TBC1D10C: variants seen among roughly 807,000 people sequenced by gnomAD.
TBC1D10C encodes the protein TBC1 domain family member 10C.
TBC1D10C carries 49 observed loss-of-function variants against 51.0 expected under a neutral mutation model. That is an observed-to-expected ratio of 0.96 (90% CI 0.76 to 1.22). TBC1D10C has a LOEUF of 1.22. Ranked by LOEUF, TBC1D10C falls within the 50% of genes most tolerant of loss-of-function variation. TBC1D10C has a pLI of 0.00. For synonymous variants in TBC1D10C, 281 were observed against 266.7 expected, an observed-to-expected ratio of 1.05 and a Z score of -0.52; for missense variants, 541 against 617.5, an observed-to-expected ratio of 0.88 and a Z score of 1.31.
intron 7 of TBC1D10C, chr11:67,407,768 A>C (rs1046096336): frequency 1.3e-5 from 2 of 152,332 alleles, no homozygotes; most frequent in African/African-American, 4.8e-5. Flanking sequence ...TCGGTAACCC[A>C]CCTGCATTCT....
Position 67,409,494 on chromosome 11 carries a change from C to G in TBC1D10C, c.1081C>G (p.Pro361Ala). ...GCTGCCCGATTCCGCGCCGGGACCCCCGCCCCGGCCACAGGTCCGCCTCGC... is the reference window on the plus strand; with the variant it reads ...GCTGCCCGATTCCGCGCCGGGACCCGCGCCCCGGCCACAGGTCCGCCTCGC... ...AQLPDSAPGP[P>A]PRPQVRLAGA... Residue 361 changes from proline (P) to alanine (A), a missense_variant, in exon 9 of 9, where the codon CCG becomes GCG. Coordinates refer to ENST00000542590, the MANE Select transcript of TBC1D10C (RefSeq NM_001369496.1). 1 of 1,548,444 alleles carries G rather than the reference C, an allele frequency of 6.5e-7. No individual in the cohort carries two copies. The highest frequency in any genetic ancestry group is 8.7e-7 in the Non-Finnish European group (1 of 1,146,296).
In TBC1D10C at chr11:67,409,685, G is replaced by C. The variant is rs1383120898; in HGVS notation, c.1272G>C (p.Arg424=). 3 of 1,597,790 alleles carry C rather than the reference G, an allele frequency of 1.9e-6. No individual in the cohort carries two copies. The highest frequency in any genetic ancestry group is 4.5e-5 in the East Asian group (2 of 44,820). The change falls in exon 9 of 9, where the codon CGG becomes CGC. Residue 424 remains arginine, a synonymous_variant. Coordinates refer to ENST00000542590, the MANE Select transcript of TBC1D10C (RefSeq NM_001369496.1). ...KTFHGLLTRA[R]GPPIEGPPRP... is the part of the protein sequence containing the mutation. ...TCCATGGGCTCCTGACTCGGGCCCGGGGCCCCCCCATCGAGGGGCCCCCCA... is the reference window on the plus strand; with the variant it reads ...TCCATGGGCTCCTGACTCGGGCCCGCGGCCCCCCCATCGAGGGGCCCCCCA...
intron 7 of TBC1D10C, chr11:67,407,265 C>T (rs1279813937): frequency 4.0e-6 from 2 of 502,148 alleles, no homozygotes; most frequent in Non-Finnish European, 7.0e-6. Context: ...CACATGGAGG[C>T]CTGAGCTTCT....
Position 67,405,195 on chromosome 11 carries a change from C to A in TBC1D10C, c.252+11C>A. ...CGGCGGTACAAGAAGGTGAGGGGGG[C>A]AGGGGCCCCACTTGGCTTCCATGGC... On this transcript the variant is annotated intron_variant, in intron 2 of 8. Transcript: ENST00000542590. 1 of 1,550,526 alleles carries A rather than the reference C, an allele frequency of 6.4e-7. No homozygotes were observed. The highest frequency in any genetic ancestry group is 8.7e-7 in the Non-Finnish European group (1 of 1,146,502).
At chr11:67,408,812 C>G in intron 7 of TBC1D10C, 167 bp from the exon 8 acceptor site, 1 of 854,658 alleles carries the variant, frequency 1.2e-6, no homozygotes, top group African/African-American at 1.8e-5. Flanking sequence ...TTGGCCAGTA[C>G]AGCGGCCTGT....
intron 2 of TBC1D10C, 87 bp downstream of exon 2, chr11:67,405,271 G>C (rs1863102233): frequency 6.7e-7 from 1 of 1,501,418 alleles, no homozygotes; most frequent in Non-Finnish European, 9.0e-7. Flanking sequence ...CCCACCCTGT[G>C]TCCCAGCACC....
intron 1 of TBC1D10C, 97 bp from the exon 2 acceptor site, chr11:67,404,988 C>A: frequency 3.5e-6 from 4 of 1,130,582 alleles, no homozygotes; most frequent in South Asian, 1.5e-5. Context: ...ATCCCTAGGG[C>A]CAGGAGCTGG....
intron 6 of TBC1D10C, 67 bp from the exon 7 acceptor site, chr11:67,406,760 G>A: frequency 2.5e-6 from 4 of 1,605,576 alleles, no homozygotes; most frequent in South Asian, 2.2e-5. Flanking sequence ...GGGGTCTGGG[G>A]ACTGAGGGAG....
rs760412495 is a variant in TBC1D10C, at chr11:67,404,226, C to T, written c.24C>T (p.Asp8=). The T allele has an allele frequency of 6.3e-7, 1 of 1,575,566 alleles. No homozygotes were observed. Among genetic ancestry groups the T allele is most frequent in the Admixed American group, 1.8e-5 (1 of 56,410 alleles). MAQALGE[D]LVQPPELQDD... ...CCATGGCCCAGGCCCTGGGGGAGGA[C>T]CTGGTGCAGCCTCCCGAGCTGCAGG... The change falls in exon 1 of 9, where the codon GAC becomes GAT. Residue 8 remains aspartate (D), a synonymous_variant. Transcript: ENST00000542590.
Position 67,405,697 on chromosome 11 carries a change from C to T in TBC1D10C, c.463C>T (p.His155Tyr). 6.2e-7 allele frequency: 1 copy of T among 1,613,636 alleles called. No individual in the cohort carries two copies. The highest frequency in any genetic ancestry group is 1.3e-5 in the African/African-American group (1 of 75,054). ...LHEMFVSPQGHGQQGLLQVLK... is the reference protein window; with the variant it reads ...LHEMFVSPQGYGQQGLLQVLK... ...CGAGATGTTTGTGTCGCCTCAGGGC[C>T]ACGGGTACGAGGCCGGTGATGCCCA... Residue 155 changes from histidine to tyrosine, a missense_variant, in exon 4 of 9, where the codon CAC becomes TAC. Physicochemically the swap from His to Tyr is moderately conservative, Grantham distance 83. Transcript: ENST00000542590.
At position 67,405,686 on chromosome 11, in the gene TBC1D10C, C is replaced by T. The variant is rs772510609; in HGVS notation, c.452C>T (p.Ser151Leu). 6.8e-6 allele frequency: 11 copies of T among 1,613,578 alleles called. No individual in the cohort carries two copies. Among genetic ancestry groups the T allele is most frequent in the South Asian group, 4.4e-5 (4 of 91,090 alleles). ...TTCCCTCTGCACGAGATGTTTGTGT[C>T]GCCTCAGGGCCACGGGTACGAGGCC... ...RQFPLHEMFVSPQGHGQQGLL... is the reference protein window; with the variant it reads ...RQFPLHEMFVLPQGHGQQGLL... Residue 151 changes from serine to leucine, a missense_variant, in exon 4 of 9, where the codon TCG (serine) becomes TTG (leucine). Transcript: ENST00000542590.
chr11:67,406,190 T>C, intron 5 of TBC1D10C, 173 bp downstream of exon 5: 1 of 570,742 alleles, frequency 1.8e-6, no homozygotes, highest in Non-Finnish European at 3.0e-6. Context: ...TGACCTTGAC[T>C]CCAGGAACCT....
At chr11:67,405,875 T>G in intron 4 of TBC1D10C, 28 bp from the exon 5 acceptor site, 3 of 1,567,934 alleles carry the variant, frequency 1.9e-6, no homozygotes, top group Non-Finnish European at 8.6e-7. Flanking sequence ...CCTGCAGGAC[T>G]GGCCCCTTAT....
In TBC1D10C at chr11:67,405,480, CAGA is replaced by C. The variant is rs1590944216; in HGVS notation, c.339_341del (p.Lys113del). ...CCTGTTGTGTGGGGCCCATGTGTGCCAGAAGAACAGCCCTGGCACCTATCAGGT... is the reference window on the plus strand; with the variant it reads ...CCTGTTGTGTGGGGCCCATGTGTGCCAGAACAGCCCTGGCACCTATCAGGT... On this transcript the variant is annotated inframe_deletion, in exon 3 of 9. Transcript: ENST00000542590. The C allele has an allele frequency of 1.2e-6, 2 of 1,612,862 alleles. No individual in the cohort carries two copies. Among genetic ancestry groups the C allele is most frequent in the South Asian group, 1.1e-5 (1 of 91,040 alleles).
intron 4 of TBC1D10C, 34 bp downstream of exon 4, chr11:67,405,735 C>A (rs1032368385): frequency 1.9e-6 from 3 of 1,609,582 alleles, no homozygotes; most frequent in African/African-American, 2.7e-5. Context: ...GACCCCCAGC[C>A]CCACAAGCCC....
Position 67,409,779 on chromosome 11 carries a change from C to G in TBC1D10C, c.*25C>G, listed in dbSNP as rs1863377204. On this transcript the variant is annotated 3_prime_UTR_variant, in exon 9 of 9. Transcript: ENST00000542590. ...AGAGGACCATGGACTTAGTGTCCCC[C>G]AGTCTCAATTGCCTGATGGCTGATG... is the stretch of plus-strand genomic sequence containing the variant. 6 of 1,534,642 alleles carry G rather than the reference C, an allele frequency of 3.9e-6. No individual in the cohort carries two copies. The highest frequency in any genetic ancestry group is 1.2e-5 in the South Asian group (1 of 82,626).
Position 67,405,591 on chromosome 11 carries a change from A to G in TBC1D10C, c.361-4A>G. The G allele has an allele frequency of 6.2e-7, 1 of 1,613,888 alleles. No individual in the cohort carries two copies. Among genetic ancestry groups the G allele is most frequent in the South Asian group, 1.1e-5 (1 of 91,084 alleles). ...CTCACACCCACCTTCCTGGCTACCC[A>G]CAGGAGCTGGCAGAGGCCCCTGGAG... On this transcript the variant is annotated splice_polypyrimidine_tract_variant and splice_region_variant and intron_variant, in intron 3 of 8. Coordinates refer to ENST00000542590, the MANE Select transcript of TBC1D10C (RefSeq NM_001369496.1).
intron 5 of TBC1D10C, 174 bp downstream of exon 5, chr11:67,406,191 C>T (rs1439190500): frequency 1.7e-6 from 1 of 571,754 alleles, no homozygotes; most frequent in Non-Finnish European, 3.0e-6. Flanking sequence ...GACCTTGACT[C>T]CAGGAACCTG....
Position 67,407,021 on chromosome 11 carries a change from G to GTGGGGCAGCCAGTGGC in TBC1D10C, c.838+14_838+29dup, listed in dbSNP as rs764429885. On this transcript the variant is annotated splice_donor_region_variant and intron_variant, in intron 7 of 8. Transcript: ENST00000542590. ...GGGATGCCTTCCTCAGTGAGGGTGA[G>GTGGGGCAGCCAGTGGC]TGGGGCAGCCAGTGGCTGGGGCAGG... The GTGGGGCAGCCAGTGGC allele has an allele frequency of 3.1e-6, 5 of 1,608,226 alleles. No homozygotes were observed. Among genetic ancestry groups the GTGGGGCAGCCAGTGGC allele is most frequent in the South Asian group, 1.1e-5 (1 of 90,826 alleles).
Sources: gnomAD v4.1 joint callset for allele counts on GRCh38, gnomAD v4.1.1 for gene constraint, MANE v1.5 for transcripts, NCBI Gene and HGNC (gene_info 2026-07-23, HGNC 2026-07-21) for gene names.